CNTN5: variants seen among roughly 807,000 people sequenced by gnomAD.
CNTN5 encodes the protein contactin 5.
A neutral mutation model predicts 129.1 loss-of-function variants in CNTN5; 77 were observed. The ratio of observed to expected loss-of-function variants is 0.60; its 90% CI spans 0.50 to 0.72. CNTN5 has a LOEUF of 0.72. Ranked by LOEUF, CNTN5 falls within the 30% of genes least tolerant of loss-of-function variation. The pLI is 0.00. For synonymous variants in CNTN5, 509 were observed against 465.6 expected (o/e 1.09, Z -1.20); for missense variants, 1,478 against 1,328.8 (o/e 1.11, Z -1.75).
chr11:99,413,601 A>T (rs752574367), intron 2 of CNTN5, among the ~76,000 whole-genome samples: 1 of 149,084 alleles, frequency 6.7e-6, no homozygotes, highest in South Asian at 2.2e-4. Context: ...CGTGGGCAAC[A>T]GAGAGGAACT....
At chr11:99,849,448 T>G (rs1030604590) in intron 6 of CNTN5, among the ~76,000 whole-genome samples, 2 of 152,002 alleles carry the variant, frequency 1.3e-5, no homozygotes, top group East Asian at 3.9e-4. Flanking sequence ...GAAATATATT[T>G]TAAAATGTTC....
chr11:99,949,171 A>G (rs1260739361), intron 7 of CNTN5, among the ~76,000 whole-genome samples: 1 of 152,110 alleles, frequency 6.6e-6, no homozygotes, highest in African/African-American at 2.4e-5. Context: ...ATCATATCTG[A>G]GAGTCCTCTT....
At chr11:99,246,218 T>A (rs112939581) in intron 1 of CNTN5, among the ~76,000 whole-genome samples, 8 of 152,332 alleles carry the variant, frequency 5.3e-5, no homozygotes, top group African/African-American at 1.9e-4. Flanking sequence ...TTTGCATTGT[T>A]AGCCAAATCA....
At chr11:99,231,677 G>GC (rs1200980662) in intron 1 of CNTN5, among the ~76,000 whole-genome samples, 13 of 151,898 alleles carry the variant, frequency 8.6e-5, no homozygotes, top group African/African-American at 3.1e-4. Flanking sequence ...GTCAACTTTT[G>GC]TTTTGTTGCA....
At chr11:99,794,327 G>C (rs1442569825) in intron 3 of CNTN5, among the ~76,000 whole-genome samples, 1 of 151,996 alleles carries the variant, frequency 6.6e-6, no homozygotes, top group Non-Finnish European at 1.5e-5. Flanking sequence ...CACTGCATGT[G>C]AGATGGGTCT....
intron 1 of CNTN5, among the ~76,000 whole-genome samples, chr11:99,031,848 G>A (rs1251987610): frequency 6.6e-6 from 1 of 150,566 alleles, no homozygotes; most frequent in Admixed American, 6.6e-5. Context: ...CATGTGCCAT[G>A]CTGGTGCGCT....
Position 99,792,539 on chromosome 11 carries a change from G to GTA in CNTN5, c.56-27004_56-27003insAT, listed in dbSNP as rs1491428048. ...ATTGAGGATATTGGCCTGAAGAGGG[G>GTA]TGTGTGTGTGTGTGTGTGTGTGTGT... On this transcript the variant is annotated intron_variant, in intron 3 of 24. Coordinates refer to ENST00000524871, the MANE Select transcript of CNTN5 (RefSeq NM_014361.4). 5.7e-4 allele frequency among the ~76,000 whole-genome samples: 43 copies of GTA among 76,058 alleles called. 1 individual carries two copies. Among genetic ancestry groups the GTA allele is most frequent in the Admixed American group, 3.6e-3 (28 of 7,884 alleles). The allele number at this position is 76,058 out of a possible 152,430, so 49.9% of individuals were successfully genotyped here.
At chr11:99,259,374 T>A (rs1480371132) in intron 1 of CNTN5, among the ~76,000 whole-genome samples, 1 of 152,004 alleles carries the variant, frequency 6.6e-6, no homozygotes, top group Non-Finnish European at 1.5e-5. Flanking sequence ...ACATGCCATG[T>A]TTTGTAATGT....
At chr11:99,834,667 T>C (rs1004524304) in intron 4 of CNTN5, among the ~76,000 whole-genome samples, 10 of 152,206 alleles carry the variant, frequency 6.6e-5, no homozygotes, top group African/African-American at 9.6e-5. Flanking sequence ...AAAATAGTTA[T>C]GATTTAAAAA....
chr11:100,094,537 T>C (rs1944918590), intron 13 of CNTN5, among the ~76,000 whole-genome samples: 1 of 152,016 alleles, frequency 6.6e-6, no homozygotes, highest in South Asian at 2.1e-4. Flanking sequence ...ATCACTGGAG[T>C]AAAGCCCTGA....
At chr11:99,204,536 G>A (rs909530084) in intron 1 of CNTN5, among the ~76,000 whole-genome samples, 1 of 152,096 alleles carries the variant, frequency 6.6e-6, no homozygotes, top group Non-Finnish European at 1.5e-5. Context: ...TAGGGAAAAT[G>A]ATAACTTTCT....
chr11:99,568,774 T>G (rs1293245877), intron 3 of CNTN5, among the ~76,000 whole-genome samples: 3 of 152,242 alleles, frequency 2.0e-5, no homozygotes, highest in Non-Finnish European at 4.4e-5. Context: ...CCATATATTT[T>G]CTGTTTATTT....
intron 13 of CNTN5, among the ~76,000 whole-genome samples, chr11:100,076,744 T>C (rs982574918): frequency 1.3e-5 from 2 of 152,080 alleles, no homozygotes; most frequent in Admixed American, 6.6e-5. Context: ...TACCTTGATC[T>C]ACATGTTTTA....
chr11:99,897,239 G>A (rs569959477), intron 6 of CNTN5, among the ~76,000 whole-genome samples: 2 of 152,158 alleles, frequency 1.3e-5, no homozygotes, highest in South Asian at 4.2e-4. Flanking sequence ...ACATTTGAGA[G>A]GATAAATAAT....
At chr11:99,293,754 C>A (rs899037478) in intron 1 of CNTN5, among the ~76,000 whole-genome samples, 2 of 151,742 alleles carry the variant, frequency 1.3e-5, no homozygotes, top group African/African-American at 4.8e-5. Context: ...TTTCTGGTAC[C>A]AGGTGTAATG....
At position 99,054,630 on chromosome 11, in the gene CNTN5, G is replaced by A. The variant is rs374458540; in HGVS notation, c.-210+33360G>A. ...CTTGGATTAGTACAAGCTAATCCAA[G>A]TATTCCTTAAAAACTTATCTTCTTT... On this transcript the variant is annotated intron_variant, in intron 1 of 24. Coordinates refer to ENST00000524871, the MANE Select transcript of CNTN5 (RefSeq NM_014361.4). 7.9e-5 allele frequency among the ~76,000 whole-genome samples: 12 copies of A among 151,810 alleles called. No homozygotes were observed. The East Asian group carries it at 9.7e-4, about 12-fold the overall frequency.
intron 21 of CNTN5, 135 bp from the exon 22 acceptor site, chr11:100,340,328 T>A: frequency 1.6e-6 from 1 of 610,396 alleles, no homozygotes; most frequent in Non-Finnish European, 2.9e-6. Flanking sequence ...GTAAGACCTG[T>A]TAATTGGGTG....
At chr11:100,177,379 C>A (rs1947998646) in intron 13 of CNTN5, among the ~76,000 whole-genome samples, 1 of 152,064 alleles carries the variant, frequency 6.6e-6, no homozygotes, top group East Asian at 1.9e-4. Context: ...TGCGTGTTTA[C>A]TTGTCTAACT....
At chr11:100,114,049 T>G (rs190919020) in intron 13 of CNTN5, among the ~76,000 whole-genome samples, 1 of 152,234 alleles carries the variant, frequency 6.6e-6, no homozygotes, top group East Asian at 1.9e-4. Context: ...TCCATGTAAG[T>G]ATCTTATTCT....
Sources: gnomAD v4.1 joint callset for allele counts (sites outside exome capture counted in the v4.1 genomes callset) on GRCh38, gnomAD v4.1.1 for gene constraint, MANE v1.5 for transcripts, NCBI Gene and HGNC (gene_info 2026-07-23, HGNC 2026-07-21) for gene names.